Variants in GPR107 observed in about 807,000 individuals in gnomAD.
The protein encoded by GPR107 is G protein-coupled receptor 107.
Under a neutral mutation model 75.5 loss-of-function variants are expected in GPR107, and 31 were observed. That is an observed-to-expected ratio of 0.41 (90% CI 0.31 to 0.55). GPR107 has a LOEUF of 0.55. Ranked by LOEUF, GPR107 falls within the 20% of genes least tolerant of loss-of-function variation. The probability of loss-of-function intolerance (pLI) is 0.26; values close to 1 mark genes in which losing one functional copy is unlikely to be tolerated. For missense variants in GPR107, 572 were observed against 665.7 expected, an observed-to-expected ratio of 0.86 and a Z score of 1.55; for synonymous variants, 267 against 251.3, an observed-to-expected ratio of 1.06 and a Z score of -0.59.
chr9:130,070,130 G>A (rs1170819475), intron 1 of GPR107, among the ~76,000 whole-genome samples: 1 of 149,252 alleles, frequency 6.7e-6, no homozygotes, highest in Non-Finnish European at 1.5e-5. Flanking sequence ...TTGAGTAGCT[G>A]GGACCATAGG....
chr9:130,109,359 T>A (rs1831238172), intron 14 of GPR107, among the ~76,000 whole-genome samples: 2 of 151,930 alleles, frequency 1.3e-5, no homozygotes, highest in South Asian at 4.2e-4. Context: ...TTAGTACAGA[T>A]GAGGTTTCAC....
At chr9:130,082,269 T>C (rs1198367558) in intron 5 of GPR107, among the ~76,000 whole-genome samples, 1 of 152,206 alleles carries the variant, frequency 6.6e-6, no homozygotes, top group African/African-American at 2.4e-5. Context: ...TCGTTCAGTC[T>C]GTCCAACTTG....
chr9:130,098,925 A>G (rs1589510948), intron 9 of GPR107, among the ~76,000 whole-genome samples: 1 of 152,070 alleles, frequency 6.6e-6, no homozygotes, highest in Admixed American at 6.6e-5. Flanking sequence ...GTGGGGGGGC[A>G]TCACTTGATC....
In GPR107 at chr9:130,114,029, C is replaced by CTT. The variant is rs60616601; in HGVS notation, c.1306+6509_1306+6510dup. 1.4e-3 allele frequency among the ~76,000 whole-genome samples: 127 copies of CTT among 90,680 alleles called. 1 individual carries two copies. Among genetic ancestry groups the CTT allele is most frequent in the African/African-American group, 5.1e-3 (114 of 22,522 alleles). The allele number at this position is 90,680 out of a possible 152,430, so 59.5% of individuals were successfully genotyped here. A position where few individuals can be genotyped will look rare whatever the true frequency, so the allele number is the denominator to read the frequency against. ...CAAAAATAATTCTGGTCTTCTCATT[C>CTT]TTTTTTTTTTTTTTTTTTTTCATTT... On this transcript the variant is annotated intron_variant, in intron 14 of 17. Coordinates refer to ENST00000347136, the MANE Select transcript of GPR107 (RefSeq NM_020960.5).
At chr9:130,110,308 T>C in intron 14 of GPR107, 2 of 1,002,252 alleles carry the variant, frequency 2.0e-6, no homozygotes, top group Non-Finnish European at 3.1e-6. Context: ...TAACTTCCTT[T>C]AACAGGAACG....
Position 130,056,924 on chromosome 9 carries a change from CAAAAAAAAAAAA to C in GPR107, c.141+2867_141+2878del, listed in dbSNP as rs11442007. On this transcript the variant is annotated intron_variant, in intron 1 of 17. Transcript: ENST00000347136. ...TGGGTGACAGAGCGAGACTCCTTCT[CAAAAAAAAAAAA>C]AAAAAAAAAAAAAAAGAAAGTTCAC... is the stretch of plus-strand genomic sequence containing the variant. Among the ~76,000 whole-genome samples the C allele has an allele frequency of 1.9e-4, 8 of 42,896 alleles. No individual in the cohort carries two copies. In the East Asian group the frequency reaches 5.4e-3, roughly 29 times the overall value. 28.1% of individuals were successfully genotyped at this position (42,896 alleles called of 152,430 possible). A position where few individuals can be genotyped will look rare whatever the true frequency, so the allele number is the denominator to read the frequency against.
intron 4 of GPR107, among the ~76,000 whole-genome samples, chr9:130,079,392 T>C (rs1281003995): frequency 6.6e-6 from 1 of 152,252 alleles, no homozygotes; most frequent in African/African-American, 2.4e-5. Context: ...ACTAAGATCT[T>C]AGGCTTAAGA....
rs542820456 is a variant in GPR107, at chr9:130,139,766, G to A, written c.*4645G>A. Reference sequence around the variant, plus strand: ...TTTGGAGGAAGCAGCCAGATGAGGCGGTGAGCCTCCAGAAGGTCAGCCTTT... The same window carrying A: ...TTTGGAGGAAGCAGCCAGATGAGGCAGTGAGCCTCCAGAAGGTCAGCCTTT... On this transcript the variant is annotated 3_prime_UTR_variant, in exon 18 of 18. Coordinates refer to ENST00000347136, the MANE Select transcript of GPR107 (RefSeq NM_020960.5). 9.8e-5 allele frequency: 15 copies of A among 152,348 alleles called. No individual in the cohort carries two copies. Among genetic ancestry groups the A allele is most frequent in the Non-Finnish European group, 1.6e-4 (11 of 68,072 alleles). 9.4% of individuals were successfully genotyped at this position (152,348 alleles called of 1,614,324 possible). A position where few individuals can be genotyped will look rare whatever the true frequency, so the allele number is the denominator to read the frequency against.
intron 1 of GPR107, among the ~76,000 whole-genome samples, chr9:130,056,817 C>G (rs1360267194): frequency 6.7e-6 from 1 of 148,274 alleles, no homozygotes; most frequent in African/African-American, 2.5e-5. Context: ...CTCAGCTACT[C>G]GGGAGGCTGA....
chr9:130,102,275 C>CGTCT (rs756737540), intron 12 of GPR107, among the ~76,000 whole-genome samples: 2 of 152,204 alleles, frequency 1.3e-5, no homozygotes, highest in Non-Finnish European at 2.9e-5. Flanking sequence ...CTTCTTCAGC[C>CGTCT]AGACTGAGTC....
chr9:130,130,621 C>T (rs1248103949), intron 17 of GPR107, among the ~76,000 whole-genome samples: 2 of 152,140 alleles, frequency 1.3e-5, no homozygotes, highest in African/African-American at 4.8e-5. Context: ...CCTATAATCC[C>T]AGCACTTTAG....
chr9:130,073,036 C>T (rs1163567540), intron 1 of GPR107, among the ~76,000 whole-genome samples: 3 of 152,182 alleles, frequency 2.0e-5, no homozygotes, highest in African/African-American at 7.2e-5. Flanking sequence ...CCAGAAGCAC[C>T]CTAAGCCTCA....
chr9:130,056,869 G>A (rs1829802272), intron 1 of GPR107, among the ~76,000 whole-genome samples: 1 of 126,964 alleles, frequency 7.9e-6, no homozygotes, highest in African/African-American at 3.0e-5. Context: ...AGCTTGCAGT[G>A]AGCCAAGATC....
intron 1 of GPR107, among the ~76,000 whole-genome samples, chr9:130,068,599 C>CT (rs1564660326): frequency 6.6e-6 from 1 of 152,074 alleles, no homozygotes; most frequent in Non-Finnish European, 1.5e-5. Flanking sequence ...TATCATTACT[C>CT]TATTTTTTTT....
intron 9 of GPR107, among the ~76,000 whole-genome samples, chr9:130,095,642 C>T (rs1830849065): frequency 6.6e-6 from 1 of 152,174 alleles, no homozygotes. Context: ...ATCCACCTGC[C>T]TTGGCCTCCC....
chr9:130,077,187 T>C (rs1830372041), intron 3 of GPR107, 112 bp from the exon 4 acceptor site: 1 of 700,976 alleles, frequency 1.4e-6, no homozygotes, highest in Admixed American at 2.0e-5. Flanking sequence ...CGCCCACCGG[T>C]TTACTATTTT....
At chr9:130,070,268 C>G (rs1223747919) in intron 1 of GPR107, among the ~76,000 whole-genome samples, 1 of 151,414 alleles carries the variant, frequency 6.6e-6, no homozygotes, top group African/African-American at 2.4e-5. Flanking sequence ...TCCTGAGTAG[C>G]TAGCATCACA....
intron 11 of GPR107, 69 bp downstream of exon 11, chr9:130,100,771 C>G: frequency 8.6e-7 from 1 of 1,156,358 alleles, no homozygotes; most frequent in Non-Finnish European, 1.3e-6. Flanking sequence ...GGGCAACAAC[C>G]TGCCCCAAGT....
intron 4 of GPR107, 104 bp from the exon 5 acceptor site, chr9:130,079,526 C>T: frequency 1.2e-6 from 1 of 812,270 alleles, no homozygotes; most frequent in South Asian, 2.1e-5. Context: ...CATTGTAGAA[C>T]ATGATAAGGA....
Sources: allele counts gnomAD v4.1 joint callset (sites outside exome capture counted in the v4.1 genomes callset), GRCh38; gene constraint gnomAD v4.1.1; transcripts MANE v1.5; gene names NCBI Gene and HGNC (gene_info 2026-07-23, HGNC 2026-07-21).